MAGI2: variants seen among roughly 807,000 people sequenced by gnomAD.
MAGI2 encodes membrane-associated guanylate kinase, WW and PDZ domain-containing protein 2.
In MAGI2, 35 loss-of-function variants were observed where a neutral mutation model predicts 133.3. That is an observed-to-expected ratio of 0.26 (90% CI 0.20 to 0.35). MAGI2 has a LOEUF of 0.35. Among genes scored for constraint, MAGI2 ranks in the 10% least tolerant of loss-of-function variants. The pLI is 1.00. For missense variants in MAGI2, 1,636 were observed against 1,863.4 expected, an observed-to-expected ratio of 0.88 and a Z score of 2.25; for synonymous variants, 729 against 710.6, an observed-to-expected ratio of 1.03 and a Z score of -0.41.
chr7:78,326,753 C>A (rs1269413242), intron 9 of MAGI2, among the ~76,000 whole-genome samples: 1 of 152,130 alleles, frequency 6.6e-6, no homozygotes, highest in East Asian at 1.9e-4. Flanking sequence ...TTTTAAGTAA[C>A]TTTTTGCTAT....
At chr7:78,230,220 T>G (rs187997755) in intron 10 of MAGI2, among the ~76,000 whole-genome samples, 1 of 152,340 alleles carries the variant, frequency 6.6e-6, no homozygotes, top group Non-Finnish European at 1.5e-5. Flanking sequence ...TGCATTAAAG[T>G]GTTTTCAGAC....
At chr7:79,073,713 A>C (rs1390260920) in intron 1 of MAGI2, among the ~76,000 whole-genome samples, 1 of 151,810 alleles carries the variant, frequency 6.6e-6, no homozygotes, top group Non-Finnish European at 1.5e-5. Context: ...CTTTGTGTCT[A>C]GGCGGATAAA....
rs59070409 is a variant in MAGI2 at position 78,099,547 on chromosome 7, G to A, written c.3568-20462C>T. ...AGTAATACATCACTAAAAAGATAAG[G>A]CTTTTACCTAATAGAAGAACTGTAT... On this transcript the variant is annotated intron_variant, in intron 20 of 21. Transcript: ENST00000354212. Among the ~76,000 whole-genome samples the A allele has an allele frequency of 7.5e-3, 1,141 of 152,062 alleles. 17 individuals carry two copies. Among genetic ancestry groups the A allele is most frequent in the African/African-American group, 0.026 (1,072 of 41,466 alleles).
chr7:78,182,926 C>G (rs1827322548), intron 13 of MAGI2, among the ~76,000 whole-genome samples: 1 of 152,170 alleles, frequency 6.6e-6, no homozygotes, highest in Admixed American at 6.5e-5. Flanking sequence ...CATTGGCCAT[C>G]TATAGTGTTC....
At chr7:78,380,375 A>T (rs751139537) in intron 6 of MAGI2, among the ~76,000 whole-genome samples, 1 of 152,144 alleles carries the variant, frequency 6.6e-6, no homozygotes, top group Non-Finnish European at 1.5e-5. Flanking sequence ...TGAGTAAAGA[A>T]GATGTGCTAT....
chr7:78,077,833 G>A (rs796288738), intron 21 of MAGI2, among the ~76,000 whole-genome samples: 4 of 146,472 alleles, frequency 2.7e-5, no homozygotes, highest in East Asian at 2.0e-4. Flanking sequence ...GGGTTCAAGC[G>A]ATTCTTCTGC....
chr7:78,087,022 T>C (rs1472590950), intron 20 of MAGI2, among the ~76,000 whole-genome samples: 1 of 152,104 alleles, frequency 6.6e-6, no homozygotes, highest in African/African-American at 2.4e-5. Context: ...GAGTCCTCCT[T>C]CTCCCCACTT....
chr7:79,315,870 T>G (rs1284052453), intron 1 of MAGI2, among the ~76,000 whole-genome samples: 2 of 152,136 alleles, frequency 1.3e-5, no homozygotes, highest in Admixed American at 6.5e-5. Context: ...GCAAAAGATA[T>G]GTAGTAGAGT....
intron 3 of MAGI2, among the ~76,000 whole-genome samples, chr7:78,547,363 C>G (rs1488614706): frequency 6.6e-6 from 1 of 152,202 alleles, no homozygotes; most frequent in Non-Finnish European, 1.5e-5. Flanking sequence ...AAAAGGACCT[C>G]CTATCACCAT....
chr7:79,053,477 C>T (rs1202211681), intron 1 of MAGI2, among the ~76,000 whole-genome samples: 1 of 152,060 alleles, frequency 6.6e-6, no homozygotes, highest in Non-Finnish European at 1.5e-5. Context: ...TTTCCACTGT[C>T]CATGTCACTA....
chr7:79,361,994 T>C (rs1393648298), intron 1 of MAGI2, among the ~76,000 whole-genome samples: 3 of 151,928 alleles, frequency 2.0e-5, no homozygotes, highest in African/African-American at 4.8e-5. Context: ...CTCAGGTCAA[T>C]AGTAAAATTT....
chr7:79,192,461 T>C (rs1157649512), intron 1 of MAGI2, among the ~76,000 whole-genome samples: 1 of 151,794 alleles, frequency 6.6e-6, no homozygotes. Flanking sequence ...ATTGAGGGTA[T>C]ATATAAAAAA....
At chr7:78,418,834 A>C (rs1007939648) in intron 6 of MAGI2, among the ~76,000 whole-genome samples, 1 of 152,188 alleles carries the variant, frequency 6.6e-6, no homozygotes, top group Admixed American at 6.5e-5. Context: ...CGTACATAGT[A>C]AATGAGAAGA....
chr7:78,426,694 A>T (rs1799314147), intron 6 of MAGI2, among the ~76,000 whole-genome samples: 1 of 152,186 alleles, frequency 6.6e-6, no homozygotes, highest in South Asian at 2.1e-4. Flanking sequence ...CACATATGTA[A>T]TTGAAATTCC....
chr7:78,497,774 T>C (rs1052293593), intron 5 of MAGI2, among the ~76,000 whole-genome samples: 2 of 83,672 alleles, frequency 2.4e-5, no homozygotes, highest in African/African-American at 9.0e-5. Context: ...CTTTCTATCT[T>C]ATACACAGAA....
intron 2 of MAGI2, among the ~76,000 whole-genome samples, chr7:78,980,421 A>G (rs1374192561): frequency 6.6e-6 from 1 of 151,864 alleles, no homozygotes; most frequent in Non-Finnish European, 1.5e-5. Context: ...TGTGGTACAG[A>G]GCACGTACTT....
At chr7:78,934,779 A>T (rs1426889912) in intron 2 of MAGI2, among the ~76,000 whole-genome samples, 1 of 152,166 alleles carries the variant, frequency 6.6e-6, no homozygotes. Flanking sequence ...TTCTGCTCCC[A>T]GGCATTTCAG....
intron 1 of MAGI2, among the ~76,000 whole-genome samples, chr7:79,161,162 T>G (rs2129547735): frequency 6.6e-6 from 1 of 152,210 alleles, no homozygotes. Flanking sequence ...AAATGTCTTA[T>G]GAAAATGGGT....
intron 4 of MAGI2, among the ~76,000 whole-genome samples, chr7:78,515,266 CATCT>C (rs1440658225): frequency 1.3e-5 from 2 of 152,068 alleles, no homozygotes; most frequent in African/African-American, 4.8e-5. Context: ...ATCTATTAAC[CATCT>C]ATCTATCTTT....
Sources: gnomAD v4.1 joint callset for allele counts (sites outside exome capture counted in the v4.1 genomes callset) on GRCh38, gnomAD v4.1.1 for gene constraint, MANE v1.5 for transcripts, NCBI Gene and HGNC (gene_info 2026-07-23, HGNC 2026-07-21) for gene names.